The following GJC2 variants were observed in gnomAD, a reference collection of about 807,000 sequenced individuals.
The protein encoded by GJC2 is gap junction gamma-2 protein.
For synonymous variants in GJC2, 336 were observed against 307.5 expected (o/e 1.09, Z -0.97); for missense variants, 647 against 648.9 (o/e 1.00, Z 0.03).
rs906757985 is a variant in GJC2, at chr1:228,150,870, A to G, written c.-20+863A>G. ...GGGACAGCCTTAGGAGGCTGGGGTAATCATCACCCCCTCACTCCCAGTATG... is the reference window on the plus strand; with the variant it reads ...GGGACAGCCTTAGGAGGCTGGGGTAGTCATCACCCCCTCACTCCCAGTATG... On this transcript the variant is annotated intron_variant, in intron 1 of 1. Coordinates refer to ENST00000366714, the MANE Select transcript of GJC2 (RefSeq NM_020435.4). This position sits in a 1 kb window ranked among gnomAD's most constrained non-coding sequence, Gnocchi z 4.6. Among the ~76,000 whole-genome samples the G allele has an allele frequency of 6.6e-6, 1 of 151,942 alleles. No homozygotes were observed. The highest frequency in any genetic ancestry group is 2.4e-5 in the African/African-American group (1 of 41,380).
rs542050630 is a variant in GJC2 at position 228,152,135 on chromosome 1, A to G, written c.-20+2128A>G. Among the ~76,000 whole-genome samples, 1 of 151,950 alleles carries G rather than the reference A, an allele frequency of 6.6e-6. No homozygotes were observed. The highest frequency in any genetic ancestry group is 2.1e-4 in the South Asian group (1 of 4,814). ...AAGTGGGACTGGGAATCTGCTTTGG[A>G]CTGTGAGTGGACAAGCGACAGCACA... is the stretch of plus-strand genomic sequence containing the variant. On this transcript the variant is annotated intron_variant, in intron 1 of 1. Transcript: ENST00000366714. The surrounding 1 kb of genome is among the most constrained non-coding windows in gnomAD (Gnocchi z 7.3).
rs574640774 is a variant in GJC2 at position 228,159,446 on chromosome 1, G to A, written c.*368G>A. 9 of 257,186 alleles carry A rather than the reference G, an allele frequency of 3.5e-5. No individual in the cohort carries two copies. Among genetic ancestry groups the A allele is most frequent in the Non-Finnish European group, 6.4e-5 (8 of 124,516 alleles). 15.9% of individuals were successfully genotyped at this position (257,186 alleles called of 1,614,324 possible). ...AACCCATGGAGGGCCCAGGGTGCCTGGTATGGGCATCAGTTGGTGGGGGTG... is the reference window on the plus strand; with the variant it reads ...AACCCATGGAGGGCCCAGGGTGCCTAGTATGGGCATCAGTTGGTGGGGGTG... On this transcript the variant is annotated 3_prime_UTR_variant, in exon 2 of 2. Coordinates refer to ENST00000366714, the MANE Select transcript of GJC2 (RefSeq NM_020435.4). The surrounding 1 kb of genome is among the most constrained non-coding windows in gnomAD (Gnocchi z 4.0).
At position 228,158,551 on chromosome 1, in the gene GJC2, A is replaced by G; in HGVS notation, c.793A>G (p.Thr265Ala). The G allele has an allele frequency of 6.2e-7, 1 of 1,612,742 alleles. No homozygotes were observed. Among genetic ancestry groups the G allele is most frequent in the Non-Finnish European group, 8.5e-7 (1 of 1,179,572 alleles). Residue 265 changes from threonine to alanine, a missense_variant, in exon 2 of 2, where the codon ACG (threonine) becomes GCG (alanine). By Grantham distance (58) the Thr-to-Ala change is moderately conservative (BLOSUM62 0). Coordinates refer to ENST00000366714, the MANE Select transcript of GJC2 (RefSeq NM_020435.4). This position sits in a 1 kb window ranked among gnomAD's most constrained non-coding sequence, Gnocchi z 8.3. ...CTTCGTGTCGCGCCCTACTGAAAAG[A>G]CGGTCTTCCTGCTGGTTATGTACGT... The part of the protein sequence containing the change: ...DCFVSRPTEK[T>A]VFLLVMYVVS...
rs141893457 is a variant in GJC2, at chr1:228,152,979, C to T, written c.-20+2972C>T. On this transcript the variant is annotated intron_variant, in intron 1 of 1. Transcript: ENST00000366714. This position sits in a 1 kb window ranked among gnomAD's most constrained non-coding sequence, Gnocchi z 7.3. The stretch of plus-strand genomic sequence containing the variant: ...CTTTGGCCAAGCTGAAGCCTCTCCC[C>T]ACCAATCCTCATTTTGGGCACCCTG... 8.6e-3 allele frequency among the ~76,000 whole-genome samples: 1,313 copies of T among 152,230 alleles called. 11 individuals are homozygous for T. Among genetic ancestry groups the T allele is most frequent in the Admixed American group, 0.015 (224 of 15,298 alleles).
At chr1:228,156,629 C>G (rs2034682859) in intron 1 of GJC2, among the ~76,000 whole-genome samples, 1 of 152,246 alleles carries the variant, frequency 6.6e-6, no homozygotes. Context: ...TCACCAGCGA[C>G]TGCTGCTGGT....
chr1:228,155,113 T>C (rs979818021), intron 1 of GJC2, among the ~76,000 whole-genome samples: 1 of 152,194 alleles, frequency 6.6e-6, no homozygotes, highest in African/African-American at 2.4e-5. Flanking sequence ...TCACATGGAA[T>C]AGTCACTAGC....
At chr1:228,155,024 T>C (rs2034662791) in intron 1 of GJC2, among the ~76,000 whole-genome samples, 1 of 152,202 alleles carries the variant, frequency 6.6e-6, no homozygotes, top group Non-Finnish European at 1.5e-5. Flanking sequence ...TGAACCCAGG[T>C]GCATCCACAT....
At chr1:228,156,383 G>A (rs1036722360) in intron 1 of GJC2, among the ~76,000 whole-genome samples, 28 of 152,248 alleles carry the variant, frequency 1.8e-4, no homozygotes, top group Non-Finnish European at 1.3e-4. Flanking sequence ...GTATGCATGT[G>A]TGTGCATGGG....
rs1018358595 is a variant in GJC2 at position 228,150,902 on chromosome 1, C to T, written c.-20+895C>T. Among the ~76,000 whole-genome samples, 5 of 152,020 alleles carry T rather than the reference C, an allele frequency of 3.3e-5. No homozygotes were observed. The highest frequency in any genetic ancestry group is 4.1e-4 in the South Asian group (2 of 4,820). ...CCCCCTCACTCCCAGTATGGATACC[C>T]GCCAGGGCTCGGTTTCTGGAGGGTG... On this transcript the variant is annotated intron_variant, in intron 1 of 1. Transcript: ENST00000366714. The surrounding 1 kb of genome is among the most constrained non-coding windows in gnomAD (Gnocchi z 4.6).
rs762040706 is a variant in GJC2, at chr1:228,158,036, T to C, written c.278T>C (p.Met93Thr). 7 of 1,610,278 alleles carry C rather than the reference T, an allele frequency of 4.3e-6. No individual in the cohort carries two copies. Among genetic ancestry groups the C allele is most frequent in the East Asian group, 4.5e-5 (2 of 44,862 alleles). ...GTGGTCATCTCCACGCCCTCGGTCA[T>C]GTACCTGGGCTACGCCGTGCACCGC... is the stretch of plus-strand genomic sequence containing the variant. ...QIVVISTPSV[M>T]YLGYAVHRLA... Residue 93 changes from methionine to threonine, a missense_variant, in exon 2 of 2, where the codon ATG (methionine) becomes ACG (threonine). Met to Thr is a moderately conservative substitution (Grantham distance 81, BLOSUM62 -1). Transcript: ENST00000366714. The surrounding 1 kb of genome is among the most constrained non-coding windows in gnomAD (Gnocchi z 8.3).
At chr1:228,157,706 C>T in intron 1 of GJC2, 34 bp from the exon 2 acceptor site, 4 of 1,356,038 alleles carry the variant, frequency 2.9e-6, no homozygotes, top group Admixed American at 2.0e-5. Context: ...CTCCTAAGTG[C>T]AGGCCCCTGG....
rs2124967493 is a variant in GJC2 at position 228,159,458 on chromosome 1, A to G, written c.*380A>G. ...GCCCAGGGTGCCTGGTATGGGCATC[A>G]GTTGGTGGGGGTGCGGGGGTGCGTG... On this transcript the variant is annotated 3_prime_UTR_variant, in exon 2 of 2. Coordinates refer to ENST00000366714, the MANE Select transcript of GJC2 (RefSeq NM_020435.4). The surrounding 1 kb of genome is among the most constrained non-coding windows in gnomAD (Gnocchi z 4.0). The G allele has an allele frequency of 1.2e-5, 3 of 245,456 alleles. No individual in the cohort carries two copies. In the South Asian group the frequency reaches 2.3e-4, roughly 19 times the overall value. The allele number at this position is 245,456 out of a possible 1,614,324, so 15.2% of individuals were successfully genotyped here. A position where few individuals can be genotyped will look rare whatever the true frequency, so the allele number is the denominator to read the frequency against.
In GJC2 at chr1:228,151,688, G is replaced by A. The variant is rs2034618386; in HGVS notation, c.-20+1681G>A. 6.6e-6 allele frequency among the ~76,000 whole-genome samples: 1 copy of A among 152,148 alleles called. No individual in the cohort carries two copies. The highest frequency in any genetic ancestry group is 2.1e-4 in the South Asian group (1 of 4,828). ...CCCACACCCAGTGGGGCCTACTGCTGCACAGGCAGGACAGTGAGGCCGGCC... is the reference window on the plus strand; with the variant it reads ...CCCACACCCAGTGGGGCCTACTGCTACACAGGCAGGACAGTGAGGCCGGCC... On this transcript the variant is annotated intron_variant, in intron 1 of 1. Coordinates refer to ENST00000366714, the MANE Select transcript of GJC2 (RefSeq NM_020435.4). The surrounding 1 kb of genome is among the most constrained non-coding windows in gnomAD (Gnocchi z 5.4).
At chr1:228,154,270 G>A (rs965345908) in intron 1 of GJC2, among the ~76,000 whole-genome samples, 14 of 152,178 alleles carry the variant, frequency 9.2e-5, no homozygotes, top group Admixed American at 7.9e-4. Flanking sequence ...CTTGTATGGG[G>A]TGTCCTCACT....
chr1:228,158,164 C>T lies in GJC2; in HGVS notation c.406C>T (p.Pro136Ser). ...AHLPPPHAGW[P>S]EPADLGEEEP... The stretch of plus-strand genomic sequence containing the variant: ...CCTGCCGCCCCCGCACGCCGGCTGG[C>T]CTGAGCCCGCCGACCTGGGCGAGGA... The change falls in exon 2 of 2, where the codon CCT becomes TCT. Residue 136 changes from proline (P) to serine (S), a missense_variant. Physicochemically the swap from Pro to Ser is moderately conservative, Grantham distance 74. Transcript: ENST00000366714. This position sits in a 1 kb window ranked among gnomAD's most constrained non-coding sequence, Gnocchi z 8.3. The T allele has an allele frequency of 7.2e-7, 1 of 1,388,496 alleles. No homozygotes were observed. The highest frequency in any genetic ancestry group is 1.6e-5 in the South Asian group (1 of 63,684). 86.0% of individuals were successfully genotyped at this position (1,388,496 alleles called of 1,614,324 possible).
Position 228,152,289 on chromosome 1 carries a change from C to G in GJC2, c.-20+2282C>G, listed in dbSNP as rs2034626149. 6.6e-6 allele frequency among the ~76,000 whole-genome samples: 1 copy of G among 152,144 alleles called. No homozygotes were observed. Among genetic ancestry groups the G allele is most frequent in the African/African-American group, 2.4e-5 (1 of 41,428 alleles). ...CCCTAAACTGCAGAAAACACCCACC[C>G]TTCGCGGCCTGCCCTGGGAGGGCCT... On this transcript the variant is annotated intron_variant, in intron 1 of 1. Coordinates refer to ENST00000366714, the MANE Select transcript of GJC2 (RefSeq NM_020435.4). This position sits in a 1 kb window ranked among gnomAD's most constrained non-coding sequence, Gnocchi z 7.3.
Position 228,157,787 on chromosome 1 carries a change from C to T in GJC2, c.29C>T (p.Thr10Met). 7.5e-6 allele frequency: 10 copies of T among 1,341,594 alleles called. No homozygotes were observed. The highest frequency in any genetic ancestry group is 8.9e-6 in the Non-Finnish European group (9 of 1,008,116). 83.1% of individuals were successfully genotyped at this position (1,341,594 alleles called of 1,614,324 possible). A position where few individuals can be genotyped will look rare whatever the true frequency, so the allele number is the denominator to read the frequency against. MTNMSWSFL[T>M]RLLEEIHNHS... ...ACCAACATGAGCTGGAGCTTCCTGA[C>T]GCGGCTGCTGGAGGAGATCCACAAC... is the stretch of plus-strand genomic sequence containing the variant. The change falls in exon 2 of 2, where the codon ACG (threonine) becomes ATG (methionine). Residue 10 changes from threonine to methionine, a missense_variant. Transcript: ENST00000366714.
intron 1 of GJC2, among the ~76,000 whole-genome samples, chr1:228,153,079 G>A (rs1005408314): frequency 2.0e-5 from 3 of 151,944 alleles, no homozygotes; most frequent in African/African-American, 4.8e-5. Flanking sequence ...GGCTCCCTGG[G>A]GGCCAGCACC....
intron 1 of GJC2, among the ~76,000 whole-genome samples, chr1:228,153,431 G>A (rs1210430011): frequency 6.0e-5 from 9 of 151,098 alleles, no homozygotes; most frequent in Admixed American, 5.9e-4. Flanking sequence ...CTGTCACCCA[G>A]GATTGAGTGC....
Sources: gnomAD v4.1 joint callset for allele counts (sites outside exome capture counted in the v4.1 genomes callset) on GRCh38, gnomAD v4.1.1 for gene constraint, Gnocchi (gnomAD v3.1) non-coding constraint, MANE v1.5 for transcripts, NCBI Gene and HGNC (gene_info 2026-07-23, HGNC 2026-07-21) for gene names.